The following CA12 variants were observed in gnomAD, a reference collection of about 807,000 sequenced individuals.
CA12 encodes the protein carbonic anhydrase 12.
A neutral mutation model predicts 46.8 loss-of-function variants in CA12; 36 were observed. The observed-to-expected ratio is 0.77, with a 90% CI of 0.59 to 1.02. CA12 has a LOEUF of 1.02. CA12 is among the 50% of genes least tolerant of loss of function. The pLI is 0.00. For synonymous variants in CA12, 202 were observed against 187.0 expected, an observed-to-expected ratio of 1.08 and a Z score of -0.65; for missense variants, 436 against 451.4, an observed-to-expected ratio of 0.97 and a Z score of 0.31.
chr15:63,374,365 G>C lies in CA12; in HGVS notation c.106+1293C>G, dbSNP rs2039544949. Among the ~76,000 whole-genome samples, 1 of 152,104 alleles carries C rather than the reference G, an allele frequency of 6.6e-6. No homozygotes were observed. The highest frequency in any genetic ancestry group is 6.5e-5 in the Admixed American group (1 of 15,274). ...CCAGGTGAAAGCCCTCCTCCTCCAGGAGGCCTTCCCTGACCATCTAGCCCT... is the reference window on the plus strand; with the variant it reads ...CCAGGTGAAAGCCCTCCTCCTCCAGCAGGCCTTCCCTGACCATCTAGCCCT... On this transcript the variant is annotated intron_variant, in intron 2 of 10. Transcript: ENST00000178638. This position sits in a 1 kb window ranked among gnomAD's most constrained non-coding sequence, Gnocchi z 4.4.
Position 63,345,666 on chromosome 15 carries a change from A to C in CA12, c.287-47T>G. The C allele has an allele frequency of 1.3e-6, 2 of 1,591,546 alleles. No homozygotes were observed. Among genetic ancestry groups the C allele is most frequent in the Non-Finnish European group, 1.7e-6 (2 of 1,173,592 alleles). ...CCTTCAGAGCCCCGGCCAGCTGTGCACTGCCAGAGAGCAGTCAGGTAGGCA... is the reference window on the plus strand; with the variant it reads ...CCTTCAGAGCCCCGGCCAGCTGTGCCCTGCCAGAGAGCAGTCAGGTAGGCA... On this transcript the variant is annotated intron_variant, in intron 3 of 10. Transcript: ENST00000178638. The surrounding 1 kb of genome is among the most constrained non-coding windows in gnomAD (Gnocchi z 4.3).
At chr15:63,369,630 C>T (rs1393322920) in intron 2 of CA12, among the ~76,000 whole-genome samples, 1 of 152,136 alleles carries the variant, frequency 6.6e-6, no homozygotes, top group Non-Finnish European at 1.5e-5. Flanking sequence ...TGCTGCTGGC[C>T]CAGGGACCAC....
Position 63,328,253 on chromosome 15 carries a change from C to A in CA12, c.875-123G>T. 2.3e-6 allele frequency: 2 copies of A among 858,118 alleles called. No homozygotes were observed. The highest frequency in any genetic ancestry group is 3.9e-6 in the Non-Finnish European group (2 of 511,576). The allele number at this position is 858,118 out of a possible 1,614,324, so 53.2% of individuals were successfully genotyped here. ...AGGCTGACAGACCTCTAGGGATGTC[C>A]ACCCTTGGCTCAGGGATTGCCTGAT... On this transcript the variant is annotated intron_variant, in intron 8 of 10. Coordinates refer to ENST00000178638, the MANE Select transcript of CA12 (RefSeq NM_001218.5). This position sits in a 1 kb window ranked among gnomAD's most constrained non-coding sequence, Gnocchi z 5.9.
At chr15:63,366,138 C>CAA (rs10680238) in intron 2 of CA12, among the ~76,000 whole-genome samples, 17,588 of 115,798 alleles carry the variant, frequency 0.15, 1,635 homozygotes, top group African/African-American at 0.21. Flanking sequence ...GAGACTATCT[C>CAA]AAAAAAAAAA....
chr15:63,336,857 A>G (rs1179999030), intron 8 of CA12, among the ~76,000 whole-genome samples: 1 of 152,180 alleles, frequency 6.6e-6, no homozygotes, highest in Non-Finnish European at 1.5e-5. Context: ...CTCAGAGAAC[A>G]GAGCCGGCAA....
At position 63,328,205 on chromosome 15, in the gene CA12, C is replaced by T. The variant is rs547406827; in HGVS notation, c.875-75G>A. On this transcript the variant is annotated intron_variant, in intron 8 of 10. Transcript: ENST00000178638. This position sits in a 1 kb window ranked among gnomAD's most constrained non-coding sequence, Gnocchi z 5.9. ...TGGATTTGAGCAGCGTGTTGAGAGA[C>T]GCTCTACCATTTGTTTGGTCTTAGG... 6.2e-4 allele frequency: 836 copies of T among 1,354,534 alleles called. 10 individuals are homozygous for T. In the South Asian group the frequency reaches 8.5e-3, roughly 14 times the overall value. The allele number at this position is 1,354,534 out of a possible 1,614,324, so 83.9% of individuals were successfully genotyped here.
chr15:63,346,074 A>G (rs139829748), intron 3 of CA12, among the ~76,000 whole-genome samples: 155 of 152,342 alleles, frequency 1.0e-3, no homozygotes, highest in African/African-American at 3.3e-3. Flanking sequence ...ATCCATCAAT[A>G]TGTCCATTTC....
chr15:63,367,702 C>G (rs1459189433), intron 2 of CA12, among the ~76,000 whole-genome samples: 4 of 152,164 alleles, frequency 2.6e-5, no homozygotes, highest in South Asian at 2.1e-4. Flanking sequence ...GCTAAGTGAT[C>G]TACGTATTTG....
chr15:63,333,260 C>A (rs531334487), intron 8 of CA12, among the ~76,000 whole-genome samples: 1 of 152,244 alleles, frequency 6.6e-6, no homozygotes, highest in Non-Finnish European at 1.5e-5. Context: ...TCGGCTAGGG[C>A]CCCATCACCA....
At chr15:63,371,099 C>A (rs2152626447) in intron 2 of CA12, among the ~76,000 whole-genome samples, 1 of 152,332 alleles carries the variant, frequency 6.6e-6, no homozygotes, top group East Asian at 1.9e-4. Flanking sequence ...TCCTGGCCTC[C>A]TTTCATGTGT....
At chr15:63,371,837 G>GT (rs11453974) in intron 2 of CA12, among the ~76,000 whole-genome samples, 139,899 of 151,754 alleles carry the variant, frequency 0.92, 64,569 homozygotes, top group South Asian at 0.95. Flanking sequence ...ACACACTAGG[G>GT]TTTTTTTTGT....
rs1359577166 is a variant in CA12, at chr15:63,331,226, G to A, written c.875-3096C>T. Among the ~76,000 whole-genome samples, 1 of 152,214 alleles carries A rather than the reference G, an allele frequency of 6.6e-6. No individual in the cohort carries two copies. Among genetic ancestry groups the A allele is most frequent in the Non-Finnish European group, 1.5e-5 (1 of 68,038 alleles). On this transcript the variant is annotated intron_variant, in intron 8 of 10. Transcript: ENST00000178638. This position sits in a 1 kb window ranked among gnomAD's most constrained non-coding sequence, Gnocchi z 5.3. ...GAGAGAAAGTCAGCGAGACTTTCGG[G>A]ACACAGGGAGAACTGTCAGGGCAAC...
At chr15:63,357,573 T>C (rs569335588) in intron 2 of CA12, among the ~76,000 whole-genome samples, 7 of 152,336 alleles carry the variant, frequency 4.6e-5, no homozygotes, top group Admixed American at 1.3e-4. Flanking sequence ...GAAACCCTCA[T>C]CACACTGAAG....
Position 63,327,298 on chromosome 15 carries a change from C to CT in CA12, c.908-66_908-65insA. On this transcript the variant is annotated intron_variant, in intron 9 of 10. Coordinates refer to ENST00000178638, the MANE Select transcript of CA12 (RefSeq NM_001218.5). This position sits in a 1 kb window ranked among gnomAD's most constrained non-coding sequence, Gnocchi z 4.5. ...TCCCCTCCATCTTAGCCCATGGCCC[C>CT]CGGGTGTGAAATCATGGCCCAGCTG... The CT allele has an allele frequency of 7.6e-7, 1 of 1,313,066 alleles. No individual in the cohort carries two copies. The highest frequency in any genetic ancestry group is 1.5e-5 in the African/African-American group (1 of 68,754). The allele number at this position is 1,313,066 out of a possible 1,614,324, so 81.3% of individuals were successfully genotyped here. A position where few individuals can be genotyped will look rare whatever the true frequency, so the allele number is the denominator to read the frequency against.
In CA12 at chr15:63,372,003, C is replaced by A. The variant is rs1418233056; in HGVS notation, c.106+3655G>T. Among the ~76,000 whole-genome samples, 1 of 152,124 alleles carries A rather than the reference C, an allele frequency of 6.6e-6. No individual in the cohort carries two copies. The highest frequency in any genetic ancestry group is 1.5e-5 in the Non-Finnish European group (1 of 68,026). On this transcript the variant is annotated intron_variant, in intron 2 of 10. Coordinates refer to ENST00000178638, the MANE Select transcript of CA12 (RefSeq NM_001218.5). This position sits in a 1 kb window ranked among gnomAD's most constrained non-coding sequence, Gnocchi z 4.5. The stretch of plus-strand genomic sequence containing the variant: ...AATATATACCGAAAAGTGTGTAGAC[C>A]ATAAGCAAACAGCTGGATGAATGCT...
rs1458620289 is a variant in CA12, at chr15:63,373,221, C to T, written c.106+2437G>A. On this transcript the variant is annotated intron_variant, in intron 2 of 10. Coordinates refer to ENST00000178638, the MANE Select transcript of CA12 (RefSeq NM_001218.5). The surrounding 1 kb of genome is among the most constrained non-coding windows in gnomAD (Gnocchi z 4.9). ...CTCTAATAAAAATACAGAAATTAGC[C>T]GGGCGTGATGGCACACCCCTGTAAT... 2.0e-5 allele frequency among the ~76,000 whole-genome samples: 3 copies of T among 152,042 alleles called. No individual in the cohort carries two copies. Among genetic ancestry groups the T allele is most frequent in the African/African-American group, 7.2e-5 (3 of 41,388 alleles).
At position 63,341,926 on chromosome 15, in the gene CA12, G is replaced by A. The variant is rs2039083757; in HGVS notation, c.525+76C>T. ...GGAACAGCTGATTATCAACAGGTAT[G>A]CATGGAACAAAAGGTGGAATCCCAA... On this transcript the variant is annotated intron_variant, in intron 5 of 10. Transcript: ENST00000178638. The surrounding 1 kb of genome is among the most constrained non-coding windows in gnomAD (Gnocchi z 5.2). 1 of 973,720 alleles carries A rather than the reference G, an allele frequency of 1.0e-6. No individual in the cohort carries two copies. Among genetic ancestry groups the A allele is most frequent in the Non-Finnish European group, 1.6e-6 (1 of 608,202 alleles). 60.3% of individuals were successfully genotyped at this position (973,720 alleles called of 1,614,324 possible).
chr15:63,326,096 G>A lies in CA12; in HGVS notation c.*189C>T, dbSNP rs1339130135. 30 of 613,480 alleles carry A rather than the reference G, an allele frequency of 4.9e-5. No homozygotes were observed. The East Asian group carries it at 7.7e-4, about 16-fold the overall frequency. The allele number at this position is 613,480 out of a possible 1,614,324, so 38.0% of individuals were successfully genotyped here. Reference sequence around the variant, plus strand: ...GGTCTGAGAGTGCATCCCATCCATCGATCGGATGGCTCTGGGGTGGCCATG... The same window carrying A: ...GGTCTGAGAGTGCATCCCATCCATCAATCGGATGGCTCTGGGGTGGCCATG... On this transcript the variant is annotated 3_prime_UTR_variant, in exon 11 of 11. Transcript: ENST00000178638.
At chr15:63,369,461 C>T (rs752526087) in intron 2 of CA12, among the ~76,000 whole-genome samples, 27 of 152,340 alleles carry the variant, frequency 1.8e-4, no homozygotes, top group Non-Finnish European at 3.2e-4. Flanking sequence ...CTTACCACAA[C>T]CCTCTGAAGC....
Sources: gnomAD v4.1 joint callset for allele counts (sites outside exome capture counted in the v4.1 genomes callset) on GRCh38, gnomAD v4.1.1 for gene constraint, Gnocchi (gnomAD v3.1) non-coding constraint, MANE v1.5 for transcripts, NCBI Gene and HGNC (gene_info 2026-07-23, HGNC 2026-07-21) for gene names.